The following UNC79 variants were observed in gnomAD, a reference collection of about 807,000 sequenced individuals.
UNC79 encodes protein unc-79 homolog.
Under a neutral mutation model 283.1 loss-of-function variants are expected in UNC79, and 37 were observed. The ratio of observed to expected loss-of-function variants is 0.13; its 90% confidence interval spans 0.10 to 0.17. The LOEUF is 0.17. Among genes scored for constraint, UNC79 ranks in the 10% least tolerant of loss-of-function variants. UNC79 has a pLI of 1.00. For missense variants in UNC79, 2,272 were observed against 3,211.1 expected (o/e 0.71, Z 7.07); for synonymous variants, 1,107 against 1,200.2 (o/e 0.92, Z 1.61).
At chr14:93,417,390 C>T (rs1023487435) in intron 1 of UNC79, among the ~76,000 whole-genome samples, 8 of 152,154 alleles carry the variant, frequency 5.3e-5, no homozygotes, top group Non-Finnish European at 7.4e-5. Flanking sequence ...CCGAGAGATC[C>T]GCTGTTAGTC....
At chr14:93,602,674 T>G (rs2065598345) in intron 25 of UNC79, among the ~76,000 whole-genome samples, 1 of 152,194 alleles carries the variant, frequency 6.6e-6, no homozygotes, top group South Asian at 2.1e-4. Context: ...TTGCATTGAA[T>G]CTGCTGCCCA....
intron 7 of UNC79, among the ~76,000 whole-genome samples, chr14:93,519,611 T>G (rs1250972140): frequency 1.3e-5 from 2 of 151,856 alleles, no homozygotes; most frequent in African/African-American, 4.8e-5. Flanking sequence ...TGTTTTATAT[T>G]TGTCCCATCT....
At chr14:93,426,924 G>A (rs1340261916), upstream of UNC79, among the ~76,000 whole-genome samples, 1 of 151,986 alleles carries the variant, frequency 6.6e-6, no homozygotes, top group Non-Finnish European at 1.5e-5. Context: ...ATGTAAATTT[G>A]GATTGTATCC....
rs1566698381 is a variant in UNC79 at position 93,580,729 on chromosome 14, G to A, written c.2661+353G>A. ...GTAAAATGTATTTTTTTTTTGAGAC[G>A]GTGCCTTACTCTGTCTCCTATGCTG... On this transcript the variant is annotated intron_variant, in intron 19 of 48. Coordinates refer to ENST00000555664, the Ensembl canonical transcript of UNC79. 5.9e-5 allele frequency among the ~76,000 whole-genome samples: 9 copies of A among 151,272 alleles called. No homozygotes were observed. In the South Asian group the frequency reaches 1.3e-3, roughly 21 times the overall value.
chr14:93,517,998 T>C (rs1311305563), intron 7 of UNC79, among the ~76,000 whole-genome samples: 1 of 151,986 alleles, frequency 6.6e-6, no homozygotes, highest in African/African-American at 2.4e-5. Context: ...ATTATATTGC[T>C]AGATTTAATT....
rs550949897 is a variant in UNC79, at chr14:93,367,613, A to G, written c.-351+34090A>G. Among the ~76,000 whole-genome samples, 334 of 150,578 alleles carry G rather than the reference A, an allele frequency of 2.2e-3. 3 individuals are homozygous for G. Among genetic ancestry groups the G allele is most frequent in the African/African-American group, 7.6e-3 (313 of 41,152 alleles). ...AGGCAGAAAAGTTAGAGTAGCAACA[A>G]TAGGTATGGTAAATTGAAAAAATAG... On this transcript the variant is annotated intron_variant, in intron 1 of 49. Transcript: ENST00000256339.
At chr14:93,635,848 T>C (rs2068465553) in intron 31 of UNC79, among the ~76,000 whole-genome samples, 1 of 152,208 alleles carries the variant, frequency 6.6e-6, no homozygotes, top group South Asian at 2.1e-4. Flanking sequence ...ACAGCCAACC[T>C]CAGGAGTTCA....
At position 93,621,480 on chromosome 14, in the gene UNC79, A is replaced by T. The variant is rs2067128280; in HGVS notation, c.4388-141A>T. On this transcript the variant is annotated intron_variant, in intron 29 of 48. Coordinates refer to ENST00000555664, the Ensembl canonical transcript of UNC79. This position sits in a 1 kb window ranked among gnomAD's most constrained non-coding sequence, Gnocchi z 4.8. The stretch of plus-strand genomic sequence containing the variant: ...TGAAATTAGAACGAACCTTACAAAA[A>T]CTTGGCCAGAAAGTTCGTTTTCCCT... 3 of 1,109,806 alleles carry T rather than the reference A, an allele frequency of 2.7e-6. No homozygotes were observed. Among genetic ancestry groups the T allele is most frequent in the Non-Finnish European group, 2.4e-6 (2 of 823,418 alleles). 68.7% of individuals were successfully genotyped at this position (1,109,806 alleles called of 1,614,324 possible).
chr14:93,624,497 G>T (rs1369860293), intron 30 of UNC79, among the ~76,000 whole-genome samples: 1 of 152,140 alleles, frequency 6.6e-6, no homozygotes, highest in Admixed American at 6.5e-5. Flanking sequence ...TACAGGGTGA[G>T]TCTCTGTGAT....
intron 34 of UNC79, among the ~76,000 whole-genome samples, chr14:93,645,358 A>G (rs2140251781): frequency 6.6e-6 from 1 of 152,328 alleles, no homozygotes; most frequent in East Asian, 1.9e-4. Context: ...ATATATTTAA[A>G]TCTCTACCTC....
chr14:93,589,804 T>C (rs1343058747), intron 22 of UNC79, among the ~76,000 whole-genome samples: 2 of 152,280 alleles, frequency 1.3e-5, no homozygotes, highest in East Asian at 3.9e-4. Flanking sequence ...GGCTCATCCC[T>C]GTAATTCCAG....
chr14:93,679,285 C>A (rs1044315778), intron 41 of UNC79, among the ~76,000 whole-genome samples: 1 of 152,076 alleles, frequency 6.6e-6, no homozygotes, highest in Non-Finnish European at 1.5e-5. Context: ...ATGGTGAAAC[C>A]CCGTCTCTAC....
rs976621849 is a variant in UNC79, at chr14:93,617,986, C to T, written c.4225-206C>T. Among the ~76,000 whole-genome samples, 1 of 152,178 alleles carries T rather than the reference C, an allele frequency of 6.6e-6. No homozygotes were observed. The highest frequency in any genetic ancestry group is 1.5e-5 in the Non-Finnish European group (1 of 68,040). ...AGGCTGCTATGATCACGCCACAGCACTCCAACCTGGGTGACAGAGTGAGAC... is the reference window on the plus strand; with the variant it reads ...AGGCTGCTATGATCACGCCACAGCATTCCAACCTGGGTGACAGAGTGAGAC... On this transcript the variant is annotated intron_variant, in intron 28 of 48. Transcript: ENST00000555664. The surrounding 1 kb of genome is among the most constrained non-coding windows in gnomAD (Gnocchi z 4.5).
At chr14:93,493,544 G>A (rs773429238) in intron 5 of UNC79, among the ~76,000 whole-genome samples, 1 of 152,132 alleles carries the variant, frequency 6.6e-6, no homozygotes, top group Non-Finnish European at 1.5e-5. Context: ...TGAAACTGAA[G>A]AATAAGCAGA....
intron 40 of UNC79, among the ~76,000 whole-genome samples, chr14:93,669,471 T>A (rs910976084): frequency 6.6e-6 from 1 of 152,096 alleles, no homozygotes; most frequent in African/African-American, 2.4e-5. Context: ...ATCCAGAACC[T>A]ACCAAGAATG....
intron 11 of UNC79, among the ~76,000 whole-genome samples, chr14:93,535,337 T>C (rs949841190): frequency 9.2e-5 from 14 of 152,344 alleles, no homozygotes; most frequent in African/African-American, 3.4e-4. Context: ...TTTGGGGAAA[T>C]GTATTTTATT....
Position 93,617,908 on chromosome 14 carries a change from G to A in UNC79, c.4225-284G>A, listed in dbSNP as rs2139858716. Among the ~76,000 whole-genome samples the A allele has an allele frequency of 6.6e-6, 1 of 152,184 alleles. No homozygotes were observed. Among genetic ancestry groups the A allele is most frequent in the East Asian group, 1.9e-4 (1 of 5,176 alleles). ...AAATTAGCCAAGCATGGTTGCACGT[G>A]CCTGGTCCCACCTACTTGGGAGGCT... On this transcript the variant is annotated intron_variant, in intron 28 of 48. Coordinates refer to ENST00000555664, the Ensembl canonical transcript of UNC79. This position sits in a 1 kb window ranked among gnomAD's most constrained non-coding sequence, Gnocchi z 4.5.
chr14:93,681,879 T>C (rs2073871950), intron 41 of UNC79, among the ~76,000 whole-genome samples: 1 of 152,262 alleles, frequency 6.6e-6, no homozygotes, highest in African/African-American at 2.4e-5. Context: ...ATTCTTGTAA[T>C]GATCTCAAGT....
intron 1 of UNC79, among the ~76,000 whole-genome samples, chr14:93,444,708 C>G (rs541135352): frequency 6.6e-6 from 1 of 152,272 alleles, no homozygotes; most frequent in African/African-American, 2.4e-5. Flanking sequence ...TAGTCAATCA[C>G]TCATATATAT....
Sources: allele counts gnomAD v4.1 joint callset (sites outside exome capture counted in the v4.1 genomes callset), GRCh38; gene constraint gnomAD v4.1.1; non-coding constraint Gnocchi (gnomAD v3.1); transcripts MANE v1.5; gene names NCBI Gene and HGNC (gene_info 2026-07-23, HGNC 2026-07-21).